Variants in CSMD1 observed in about 807,000 individuals in gnomAD.
CSMD1 encodes the protein CUB and Sushi multiple domains 1.
Under a neutral mutation model 417.5 loss-of-function variants are expected in CSMD1, and 213 were observed. The observed-to-expected ratio is 0.51, with a 90% CI of 0.46 to 0.57. CSMD1 has a LOEUF of 0.57. Among genes scored for constraint, CSMD1 ranks in the 20% least tolerant of loss-of-function variants. The pLI is 0.00. For missense variants in CSMD1, 6,923 were observed against 4,529.7 expected (o/e 1.53, Z -15.17); for synonymous variants, 2,862 against 1,736.8 (o/e 1.65, Z -16.11).
chr8:4,761,922 T>C lies in CSMD1; in HGVS notation c.86-124364A>G, dbSNP rs545829867. On this transcript the variant is annotated intron_variant, in intron 1 of 69. Transcript: ENST00000635120. ...ATCTATCTATCTATCAATCTATCTA[T>C]CTATCTATCTATCTATCTATCTATC... Among the ~76,000 whole-genome samples the C allele has an allele frequency of 1.6e-3, 226 of 142,398 alleles. 1 individual carries two copies. The highest frequency in any genetic ancestry group is 8.8e-3 in the South Asian group (39 of 4,446). 93.4% of individuals were successfully genotyped at this position (142,398 alleles called of 152,430 possible). A position where few individuals can be genotyped will look rare whatever the true frequency, so the allele number is the denominator to read the frequency against.
rs1375447736 is a variant in CSMD1 at position 3,190,050 on chromosome 8, C to A, written c.5260G>T (p.Gly1754Cys). 1 of 1,595,916 alleles carries A rather than the reference C, an allele frequency of 6.3e-7. No homozygotes were observed. The part of the protein sequence containing the change: ...VPEPRYGRRI[G>C]SEFSAGSIVR... The stretch of plus-strand genomic sequence containing the variant: ...ATGGAGCCGGCAGAAAACTCAGAAC[C>A]AATTCTCCTTCCGTATCTGGGCTCG... Residue 1754 changes from glycine (G) to cysteine (C), a missense_variant, in exon 34 of 70, where the codon GGT (glycine) becomes TGT (cysteine). Coordinates refer to ENST00000635120, the MANE Select transcript of CSMD1 (RefSeq NM_033225.6).
chr8:4,357,548 TG>T (rs1344327700), intron 3 of CSMD1, among the ~76,000 whole-genome samples: 1 of 151,900 alleles, frequency 6.6e-6, no homozygotes, highest in Non-Finnish European at 1.5e-5. Flanking sequence ...AATGCACAGT[TG>T]GAAAAAAAAA....
At chr8:3,455,590 G>C (rs2100122) in intron 12 of CSMD1, among the ~76,000 whole-genome samples, 1 of 152,094 alleles carries the variant, frequency 6.6e-6, no homozygotes, top group Non-Finnish European at 1.5e-5. Flanking sequence ...CAGACCTTGT[G>C]TGCCTGGGTA....
chr8:3,736,979 C>T (rs962983125), intron 6 of CSMD1, among the ~76,000 whole-genome samples: 5 of 152,196 alleles, frequency 3.3e-5, no homozygotes, highest in Admixed American at 2.0e-4. Context: ...GTCATTTCCT[C>T]CCAGGATCTG....
intron 12 of CSMD1, among the ~76,000 whole-genome samples, chr8:3,413,074 CT>C (rs1218986078): frequency 6.6e-6 from 1 of 152,140 alleles, no homozygotes; most frequent in Non-Finnish European, 1.5e-5. Context: ...ACATTATGAG[CT>C]TCCTACTTCC....
At chr8:3,724,060 GTT>G (rs1802344481) in intron 6 of CSMD1, among the ~76,000 whole-genome samples, 1 of 54,190 alleles carries the variant, frequency 1.8e-5, no homozygotes. Flanking sequence ...CACAGATTTT[GTT>G]CATTGACTTC....
chr8:4,000,101 C>T (rs1464586381), intron 4 of CSMD1, among the ~76,000 whole-genome samples: 1 of 152,230 alleles, frequency 6.6e-6, no homozygotes, highest in East Asian at 1.9e-4. Flanking sequence ...GTCTGTCCTG[C>T]CCCCCGCCCT....
At chr8:4,065,632 C>G (rs2552093) in intron 3 of CSMD1, among the ~76,000 whole-genome samples, 2 of 151,992 alleles carry the variant, frequency 1.3e-5, no homozygotes, top group Non-Finnish European at 2.9e-5. Context: ...AGCTCATGCA[C>G]CAAGGCCAGG....
chr8:4,661,503 G>T (rs1206129817), intron 1 of CSMD1, among the ~76,000 whole-genome samples: 1 of 152,162 alleles, frequency 6.6e-6, no homozygotes, highest in East Asian at 1.9e-4. Context: ...CAGGAGGAAC[G>T]TGAATGTGAC....
rs190690320 is a variant in CSMD1, at chr8:4,374,458, C to T, written c.415+45495G>A. On this transcript the variant is annotated intron_variant, in intron 3 of 69. Transcript: ENST00000635120. Reference sequence around the variant, plus strand: ...AAGGAATGGAACTTTATCTGTCCTACGGAGTGAAAGGAAGACAGCTTGCTA... The same window carrying T: ...AAGGAATGGAACTTTATCTGTCCTATGGAGTGAAAGGAAGACAGCTTGCTA... Among the ~76,000 whole-genome samples, 238 of 152,152 alleles carry T rather than the reference C, an allele frequency of 1.6e-3. 4 individuals carry two copies. Among genetic ancestry groups the T allele is most frequent in the South Asian group, 1.0e-2 (48 of 4,814 alleles).
At chr8:4,837,191 G>T (rs901416842) in intron 1 of CSMD1, among the ~76,000 whole-genome samples, 3 of 152,106 alleles carry the variant, frequency 2.0e-5, no homozygotes, top group African/African-American at 7.2e-5. Flanking sequence ...GGGAGAAAAG[G>T]AAACCATTAC....
chr8:4,812,004 G>A (rs1455452507), intron 1 of CSMD1, among the ~76,000 whole-genome samples: 1 of 152,144 alleles, frequency 6.6e-6, no homozygotes, highest in African/African-American at 2.4e-5. Flanking sequence ...GAAAGTAACA[G>A]CTTCCAATTA....
At chr8:4,518,793 G>C (rs946767783) in intron 2 of CSMD1, among the ~76,000 whole-genome samples, 1 of 151,700 alleles carries the variant, frequency 6.6e-6, no homozygotes, top group African/African-American at 2.4e-5. Flanking sequence ...TAAAAAAAGA[G>C]GAAAAATAGA....
chr8:3,406,224 G>A lies in CSMD1; in HGVS notation c.2072-3C>T, dbSNP rs1183480099. ...ATGGCACTCATTCTGACCAAATGCT[G>A]AAAGAAAAAGAAGAAGAAAAAAGGA... On this transcript the variant is annotated splice_region_variant and splice_polypyrimidine_tract_variant and intron_variant, in intron 14 of 69. Transcript: ENST00000635120. 4 of 1,573,580 alleles carry A rather than the reference G, an allele frequency of 2.5e-6. No homozygotes were observed. The highest frequency in any genetic ancestry group is 1.4e-5 in the African/African-American group (1 of 72,948).
intron 1 of CSMD1, among the ~76,000 whole-genome samples, chr8:4,695,061 A>G (rs2116784767): frequency 6.6e-6 from 1 of 152,174 alleles, no homozygotes; most frequent in East Asian, 1.9e-4. Context: ...CCTTATGGGA[A>G]TGTTCTTAAC....
intron 3 of CSMD1, among the ~76,000 whole-genome samples, chr8:4,088,347 C>T (rs1273564079): frequency 6.6e-6 from 1 of 152,198 alleles, no homozygotes; most frequent in East Asian, 1.9e-4. Flanking sequence ...GGCTTTGCAG[C>T]ACAGAAGACG....
intron 8 of CSMD1, among the ~76,000 whole-genome samples, chr8:3,596,098 G>C (rs990520997): frequency 6.6e-6 from 1 of 152,194 alleles, no homozygotes. Context: ...AGACCAAAAG[G>C]CGTTTTGCGG....
At chr8:3,397,495 T>G (rs1811773772) in intron 16 of CSMD1, among the ~76,000 whole-genome samples, 1 of 152,178 alleles carries the variant, frequency 6.6e-6, no homozygotes, top group Non-Finnish European at 1.5e-5. Flanking sequence ...CATTCTTCCA[T>G]AAAGAGGAAT....
chr8:4,547,863 C>T (rs975093699), intron 2 of CSMD1, among the ~76,000 whole-genome samples: 15 of 151,980 alleles, frequency 9.9e-5, no homozygotes, highest in Admixed American at 6.6e-4. Context: ...GGGGATTGGA[C>T]GGGATATCCC....
Sources: allele counts gnomAD v4.1 joint callset (sites outside exome capture counted in the v4.1 genomes callset), GRCh38; gene constraint gnomAD v4.1.1; transcripts MANE v1.5; gene names NCBI Gene and HGNC (gene_info 2026-07-23, HGNC 2026-07-21).